CLSPN: variants seen among roughly 807,000 people sequenced by gnomAD.
CLSPN encodes the protein claspin homolog.
Under a neutral mutation model 156.3 loss-of-function variants are expected in CLSPN, and 85 were observed. That is an observed-to-expected ratio of 0.54 (90% CI 0.46 to 0.65). The LOEUF is 0.65. Among genes scored for constraint, CLSPN ranks in the 30% least tolerant of loss-of-function variants. The pLI, the probability that CLSPN is intolerant of heterozygous loss-of-function variation, is 0.00. For synonymous variants in CLSPN, 534 were observed against 542.4 expected (o/e 0.98, Z 0.22); for missense variants, 1,407 against 1,554.9 (o/e 0.90, Z 1.60).
At chr1:35,755,651 C>T (rs762711592) in intron 8 of CLSPN, among the ~76,000 whole-genome samples, 2 of 152,082 alleles carry the variant, frequency 1.3e-5, no homozygotes, top group Non-Finnish European at 2.9e-5. Flanking sequence ...AAATGATCCA[C>T]CCTCCTCAGC....
At chr1:35,752,745 T>C (rs1642137301) in intron 9 of CLSPN, among the ~76,000 whole-genome samples, 1 of 152,120 alleles carries the variant, frequency 6.6e-6, no homozygotes, top group South Asian at 2.1e-4. Context: ...ATATACAAAA[T>C]AAGGATACTA....
chr1:35,752,358 T>C (rs1642117458), intron 9 of CLSPN, among the ~76,000 whole-genome samples: 1 of 152,056 alleles, frequency 6.6e-6, no homozygotes, highest in African/African-American at 2.4e-5. Flanking sequence ...GGTGGGCAGA[T>C]CACGAGGTCA....
chr1:35,743,096 A>C, intron 18 of CLSPN, 45 bp downstream of exon 18: 1 of 1,533,832 alleles, frequency 6.5e-7, no homozygotes. Flanking sequence ...CTAGTGACCA[A>C]ATTTTAAATA....
intron 1 of CLSPN, among the ~76,000 whole-genome samples, chr1:35,767,904 G>A (rs1292265726): frequency 6.6e-6 from 1 of 152,158 alleles, no homozygotes; most frequent in African/African-American, 2.4e-5. Context: ...AACCTAAGGA[G>A]GAGGGGTGTG....
chr1:35,738,207 G>A, intron 21 of CLSPN, 110 bp from the exon 22 acceptor site: 1 of 640,018 alleles, frequency 1.6e-6, no homozygotes, highest in Non-Finnish European at 2.4e-6. Context: ...TAGAGTTCCT[G>A]GGGTATTTGT....
At chr1:35,726,172 A>AAAAAAAAAAAAAC (rs1246748171) in intron 24 of CLSPN, among the ~76,000 whole-genome samples, 1 of 150,790 alleles carries the variant, frequency 6.6e-6, no homozygotes, top group Non-Finnish European at 1.5e-5. Context: ...AAAAAAAAAA[A>AAAAAAAAAAAAAC]AAAGCGCATA....
rs761324179 is a variant in CLSPN at position 35,748,550 on chromosome 1, A to AAGC, written c.2324_2326dup (p.Ser775_Phe776insCys). On this transcript the variant is annotated inframe_insertion, in exon 13 of 25. Transcript: ENST00000318121. ...TGGAATCGTGGAGCCAATCAGCTCA[A>AAGC]AGCTGCTATTGTGGCTGCTCTCCTT... is the stretch of plus-strand genomic sequence containing the variant. 2.5e-6 allele frequency: 4 copies of AAGC among 1,614,154 alleles called. No individual in the cohort carries two copies. In the Admixed American group the frequency reaches 6.7e-5, roughly 27 times the overall value.
chr1:35,751,215 TGAC>T, intron 10 of CLSPN, 32 bp downstream of exon 10: 1 of 1,588,024 alleles, frequency 6.3e-7, no homozygotes, highest in Non-Finnish European at 8.5e-7. Flanking sequence ...ATATTCACCA[TGAC>T]AAGGTAACAA....
In CLSPN at chr1:35,734,923, C is replaced by T; in HGVS notation, c.*1573G>A. The T allele has an allele frequency of 2.0e-6, 2 of 985,374 alleles. No homozygotes were observed. Among genetic ancestry groups the T allele is most frequent in the Non-Finnish European group, 2.4e-6 (2 of 829,918 alleles). The allele number at this position is 985,374 out of a possible 1,614,324, so 61.0% of individuals were successfully genotyped here. On this transcript the variant is annotated 3_prime_UTR_variant, in exon 25 of 25. Coordinates refer to ENST00000318121, the MANE Select transcript of CLSPN (RefSeq NM_022111.4). ...AGGGGAAAAACATTTGTCTAAAATT[C>T]TGAGAAGCTTGTGGTAGTTCAGGGA...
At chr1:35,728,794 A>C (rs535628265), downstream of CLSPN, among the ~76,000 whole-genome samples, 28 of 152,064 alleles carry the variant, frequency 1.8e-4, no homozygotes, top group Non-Finnish European at 3.8e-4. Context: ...GAAGATTTTA[A>C]TTTTCTCATT....
At chr1:35,736,876 G>A (rs764714534) in intron 24 of CLSPN, 38 bp downstream of exon 24, 20 of 1,585,014 alleles carry the variant, frequency 1.3e-5, no homozygotes, top group African/African-American at 2.7e-5. Flanking sequence ...ATAAATTCTG[G>A]TTTGGGAAGC....
At position 35,748,308 on chromosome 1, in the gene CLSPN, T is replaced by A. The variant is rs931419706; in HGVS notation, c.2472+97A>T. On this transcript the variant is annotated intron_variant, in intron 13 of 24. Coordinates refer to ENST00000318121, the MANE Select transcript of CLSPN (RefSeq NM_022111.4). ...TTAAACTGAACACACATAAGCTCAG[T>A]ACCAACGTGGTGGGAGTTGGTTGGC... The A allele has an allele frequency of 4.3e-6, 5 of 1,175,580 alleles. No homozygotes were observed. The East Asian group carries it at 7.0e-5, about 16-fold the overall frequency. 72.8% of individuals were successfully genotyped at this position (1,175,580 alleles called of 1,614,324 possible).
At chr1:35,767,647 A>G in intron 1 of CLSPN, among the ~76,000 whole-genome samples, 1 of 152,238 alleles carries the variant, frequency 6.6e-6, no homozygotes, top group East Asian at 1.9e-4. Flanking sequence ...TAAGGTATAT[A>G]TGAAATATAA....
At chr1:35,721,511 C>T (rs1571178668) in intron 24 of CLSPN, among the ~76,000 whole-genome samples, 1 of 152,290 alleles carries the variant, frequency 6.6e-6, no homozygotes, top group East Asian at 1.9e-4. Flanking sequence ...CCTCAGCCTC[C>T]CGAGTAGCTG....
At position 35,732,122 on chromosome 1, in the gene CLSPN, A is replaced by T. The variant is rs1041462360; in HGVS notation, c.*4374T>A. 1 of 975,616 alleles carries T rather than the reference A, an allele frequency of 1.0e-6. No homozygotes were observed. The highest frequency in any genetic ancestry group is 1.2e-6 in the Non-Finnish European group (1 of 821,158). 60.4% of individuals were successfully genotyped at this position (975,616 alleles called of 1,614,324 possible). ...TATAAACAGAGGCTCTGAAAGGTGT[A>T]GTGTTATTTATTCAAACTGTGGTAG... is the stretch of plus-strand genomic sequence containing the variant. On this transcript the variant is annotated 3_prime_UTR_variant, in exon 25 of 25. Transcript: ENST00000318121.
At chr1:35,763,132 ACT>A in intron 4 of CLSPN, 26 bp downstream of exon 4, 2 of 1,489,554 alleles carry the variant, frequency 1.3e-6, no homozygotes, top group Non-Finnish European at 1.8e-6. Flanking sequence ...CAGTTGATTA[ACT>A]CTTATTGCAA....
Position 35,751,245 on chromosome 1 carries a change from G to A in CLSPN, c.2028+5C>T. On this transcript the variant is annotated splice_donor_5th_base_variant and intron_variant, in intron 10 of 24. Transcript: ENST00000318121. ...AGGTAACAAAACAACGTAATTGCCA[G>A]AAACCTCCTGATTTCCTTCTTCTTC... is the stretch of plus-strand genomic sequence containing the variant. 1 of 1,596,320 alleles carries A rather than the reference G, an allele frequency of 6.3e-7. No homozygotes were observed. The highest frequency in any genetic ancestry group is 2.2e-5 in the East Asian group (1 of 44,792).
chr1:35,765,568 G>A (rs1642643736), intron 1 of CLSPN, among the ~76,000 whole-genome samples: 2 of 151,874 alleles, frequency 1.3e-5, no homozygotes, highest in African/African-American at 4.8e-5. Context: ...AAAATGAAAA[G>A]AATCAAGCAT....
At chr1:35,749,562 A>C (rs770167152) in intron 11 of CLSPN, 31 bp from the exon 12 acceptor site, 1 of 1,614,050 alleles carries the variant, frequency 6.2e-7, no homozygotes, top group South Asian at 1.1e-5. Flanking sequence ...TTGGTTCAGT[A>C]TCTGTTCCTA....
Sources: allele counts gnomAD v4.1 joint callset (sites outside exome capture counted in the v4.1 genomes callset), GRCh38; gene constraint gnomAD v4.1.1; transcripts MANE v1.5; gene names NCBI Gene and HGNC (gene_info 2026-07-23, HGNC 2026-07-21).